TNFSF13B: variants seen among roughly 807,000 people sequenced by gnomAD.
The protein encoded by TNFSF13B is tumor necrosis factor ligand superfamily member 13B.
A neutral mutation model predicts 29.1 loss-of-function variants in TNFSF13B; 8 were observed. The observed-to-expected ratio is 0.27, with a 90% CI of 0.16 to 0.50. The LOEUF is 0.50. Among genes scored for constraint, TNFSF13B ranks in the 20% least tolerant of loss-of-function variants. The probability of loss-of-function intolerance (pLI) is 0.98; values close to 1 mark genes in which losing one functional copy is unlikely to be tolerated. For missense variants in TNFSF13B, 248 were observed against 334.9 expected (o/e 0.74, Z 2.03); for synonymous variants, 125 against 130.8 (o/e 0.96, Z 0.30).
intron 5 of TNFSF13B, 74 bp downstream of exon 5, chr13:108,303,678 C>A: frequency 6.8e-7 from 1 of 1,475,494 alleles, no homozygotes; most frequent in Non-Finnish European, 9.1e-7. Flanking sequence ...CTGCAAAATG[C>A]AAAAATGAAA....
rs746871239 is a variant in TNFSF13B, at chr13:108,270,160, G to C, written c.265G>C (p.Glu89Gln). 6.2e-7 allele frequency: 1 copy of C among 1,602,054 alleles called. No homozygotes were observed. The highest frequency in any genetic ancestry group is 8.5e-7 in the Non-Finnish European group (1 of 1,179,694). ...GGCAGAGCTGCAGGGCCACCACGCG[G>C]AGAAGCTGCCAGCAGGAGCAGGAGC... Reference protein sequence around the residue: ...LRAELQGHHAEKLPAGAGAPK... With the variant: ...LRAELQGHHAQKLPAGAGAPK... Residue 89 changes from glutamate to glutamine, a missense_variant, in exon 1 of 6, where the codon GAG (glutamate) becomes CAG (glutamine). Coordinates refer to ENST00000375887, the MANE Select transcript of TNFSF13B (RefSeq NM_006573.5).
chr13:108,303,614 AG>A lies in TNFSF13B; in HGVS notation c.745+11del, dbSNP rs773092955. ...TCCTGCTATTCAGCTGGTAAATATT[AG>A]TTCTCACACCCTGCTAATTGTGAAA... On this transcript the variant is annotated intron_variant, in intron 5 of 5. Coordinates refer to ENST00000375887, the MANE Select transcript of TNFSF13B (RefSeq NM_006573.5). The A allele has an allele frequency of 5.6e-6, 9 of 1,609,306 alleles. No homozygotes were observed. The African/African-American group carries it at 1.2e-4, about 22-fold the overall frequency.
intron 3 of TNFSF13B, chr13:108,301,468 A>T (rs540400130): frequency 2.0e-5 from 3 of 152,226 alleles, no homozygotes; most frequent in Admixed American, 6.5e-5. Flanking sequence ...ATTCAGCATA[A>T]AAATAAGGAA....
At chr13:108,276,717 G>A (rs1880773672) in intron 2 of TNFSF13B, among the ~76,000 whole-genome samples, 2 of 152,122 alleles carry the variant, frequency 1.3e-5, no homozygotes, top group African/African-American at 2.4e-5. Flanking sequence ...GGTTCATTAA[G>A]CCTTTTTATC....
intron 3 of TNFSF13B, among the ~76,000 whole-genome samples, chr13:108,287,666 T>C (rs550114622): frequency 1.3e-5 from 2 of 152,234 alleles, no homozygotes; most frequent in African/African-American, 4.8e-5. Flanking sequence ...ATTGTAAAAA[T>C]CATAGAAAGA....
At chr13:108,282,530 C>T (rs1040405038) in intron 2 of TNFSF13B, among the ~76,000 whole-genome samples, 2 of 152,124 alleles carry the variant, frequency 1.3e-5, no homozygotes, top group Non-Finnish European at 2.9e-5. Context: ...ATTTAAATTA[C>T]ACTCTAATTG....
intron 2 of TNFSF13B, among the ~76,000 whole-genome samples, chr13:108,278,093 G>A (rs1880808556): frequency 2.0e-5 from 3 of 152,136 alleles, no homozygotes; most frequent in Admixed American, 6.5e-5. Context: ...TAATTGATAG[G>A]AGAGGTAAGG....
At chr13:108,297,199 G>A (rs1318225934) in intron 3 of TNFSF13B, among the ~76,000 whole-genome samples, 2 of 145,330 alleles carry the variant, frequency 1.4e-5, no homozygotes, top group East Asian at 3.9e-4. Flanking sequence ...CACATTTTAA[G>A]GATATTTTCC....
At chr13:108,297,214 T>C (rs940995128) in intron 3 of TNFSF13B, among the ~76,000 whole-genome samples, 3 of 145,896 alleles carry the variant, frequency 2.1e-5, no homozygotes, top group Non-Finnish European at 4.6e-5. Context: ...TTTTCCCACA[T>C]ATAGAATACA....
chr13:108,272,932 C>A (rs1397363354), intron 2 of TNFSF13B, among the ~76,000 whole-genome samples: 1 of 151,986 alleles, frequency 6.6e-6, no homozygotes, highest in Admixed American at 6.6e-5. Context: ...GAAATAACTT[C>A]TTGGGTCACA....
chr13:108,299,738 T>C (rs768238246), intron 3 of TNFSF13B, among the ~76,000 whole-genome samples: 22 of 152,188 alleles, frequency 1.4e-4, no homozygotes, highest in Non-Finnish European at 2.8e-4. Flanking sequence ...CTTTACCTCC[T>C]GTTTGCAGAG....
chr13:108,291,519 A>G (rs1448061893), intron 3 of TNFSF13B, among the ~76,000 whole-genome samples: 1 of 151,710 alleles, frequency 6.6e-6, no homozygotes, highest in Non-Finnish European at 1.5e-5. Context: ...CTTTCATTAT[A>G]TTTTCCAGCT....
At chr13:108,285,389 A>G (rs1319461182) in intron 2 of TNFSF13B, among the ~76,000 whole-genome samples, 2 of 152,192 alleles carry the variant, frequency 1.3e-5, no homozygotes, top group East Asian at 1.9e-4. Flanking sequence ...CAATTTCATC[A>G]TTGTGCAAAC....
At chr13:108,300,160 C>T (rs1223304653) in intron 3 of TNFSF13B, among the ~76,000 whole-genome samples, 1 of 151,818 alleles carries the variant, frequency 6.6e-6, no homozygotes, top group East Asian at 1.9e-4. Context: ...ATTTCATTAC[C>T]AAGAATTTCA....
intron 3 of TNFSF13B, among the ~76,000 whole-genome samples, chr13:108,291,120 C>G (rs1460077635): frequency 6.6e-6 from 1 of 151,620 alleles, no homozygotes; most frequent in Non-Finnish European, 1.5e-5. Context: ...TATTTATGCA[C>G]CCCAATAAAA....
chr13:108,303,317 G>C lies in TNFSF13B; in HGVS notation c.546G>C (p.Glu182Asp), dbSNP rs753767272. The change falls in exon 4 of 6, where the codon GAG becomes GAC. Residue 182 changes from glutamate to aspartate, a missense_variant. Transcript: ENST00000375887. Reference sequence around the variant, plus strand: ...GGGGAAGTGCCCTAGAAGAAAAAGAGAATAAAATATTGGTCAAAGAAACTG... The same window carrying C: ...GGGGAAGTGCCCTAGAAGAAAAAGACAATAAAATATTGGTCAAAGAAACTG... ...FKRGSALEEKENKILVKETGY... is the reference protein window; with the variant it reads ...FKRGSALEEKDNKILVKETGY... The C allele has an allele frequency of 5.0e-6, 8 of 1,613,236 alleles. No homozygotes were observed. The highest frequency in any genetic ancestry group is 5.9e-6 in the Non-Finnish European group (7 of 1,179,660).
rs145834456 is a variant in TNFSF13B, at chr13:108,293,265, T to C, written c.481+6406T>C. 6.3e-4 allele frequency among the ~76,000 whole-genome samples: 96 copies of C among 152,286 alleles called. No individual in the cohort carries two copies. The East Asian group carries it at 9.8e-3, about 16-fold the overall frequency. ...GGGTTTATTTCTGTACTCTCAAATT[T>C]ATTTTGTTTCTTTATACACCTCGCC... On this transcript the variant is annotated intron_variant, in intron 3 of 5. Transcript: ENST00000375887.
intron 2 of TNFSF13B, among the ~76,000 whole-genome samples, chr13:108,281,663 A>G (rs17885582): frequency 0.16 from 25,104 of 152,186 alleles, 2,267 homozygotes; most frequent in African/African-American, 0.19. Context: ...AACTCTACTT[A>G]TAAGAATTTC....
Position 108,270,146 on chromosome 13 carries a change from A to G in TNFSF13B, c.251A>G (p.Gln84Arg). The G allele has an allele frequency of 6.2e-7, 1 of 1,602,148 alleles. No homozygotes were observed. Among genetic ancestry groups the G allele is most frequent in the Non-Finnish European group, 8.5e-7 (1 of 1,179,820 alleles). The change falls in exon 1 of 6, where the codon CAG becomes CGG. Residue 84 changes from glutamine (Q) to arginine (R), a missense_variant. Coordinates refer to ENST00000375887, the MANE Select transcript of TNFSF13B (RefSeq NM_006573.5). ...GDLASLRAEL[Q>R]GHHAEKLPAG... is the part of the protein sequence containing the mutation. ...CTGGCCAGCCTCCGGGCAGAGCTGC[A>G]GGGCCACCACGCGGAGAAGCTGCCA...
Sources: gnomAD v4.1 joint callset for allele counts (sites outside exome capture counted in the v4.1 genomes callset) on GRCh38, gnomAD v4.1.1 for gene constraint, MANE v1.5 for transcripts, NCBI Gene and HGNC (gene_info 2026-07-23, HGNC 2026-07-21) for gene names.